The following NALF1 variants were observed in gnomAD, a reference collection of about 807,000 sequenced individuals.
NALF1 encodes the protein family with sequence similarity 155 member A.
Under a neutral mutation model 48.4 loss-of-function variants are expected in NALF1, and 3 were observed. The observed-to-expected ratio is 0.06, with a 90% confidence interval of 0.03 to 0.16. The LOEUF (loss-of-function observed/expected upper bound fraction) is 0.16. Among genes scored for constraint, NALF1 ranks in the 10% least tolerant of loss-of-function variants. The pLI, the probability that NALF1 is intolerant of heterozygous loss-of-function variation, is 1.00. For synonymous variants in NALF1, 262 were observed against 245.7 expected, an observed-to-expected ratio of 1.07 and a Z score of -0.62; for missense variants, 526 against 571.5, an observed-to-expected ratio of 0.92 and a Z score of 0.81.
At chr13:107,777,415 A>T (rs1178640566) in intron 1 of NALF1, among the ~76,000 whole-genome samples, 14 of 152,176 alleles carry the variant, frequency 9.2e-5, no homozygotes, top group Admixed American at 9.2e-4. Context: ...GTTGAATTGC[A>T]ATCTGCAATG....
At chr13:107,334,029 A>G (rs1882514038) in intron 1 of NALF1, among the ~76,000 whole-genome samples, 1 of 152,224 alleles carries the variant, frequency 6.6e-6, no homozygotes, top group South Asian at 2.1e-4. Context: ...TCATTCATGA[A>G]GTTATGTTTA....
At chr13:107,244,303 A>G (rs995884952) in intron 1 of NALF1, among the ~76,000 whole-genome samples, 1 of 152,230 alleles carries the variant, frequency 6.6e-6, no homozygotes, top group Non-Finnish European at 1.5e-5. Flanking sequence ...CAATTCAAAG[A>G]GGCACACCAT....
At chr13:107,404,583 G>T (rs1883867492) in intron 1 of NALF1, among the ~76,000 whole-genome samples, 1 of 151,988 alleles carries the variant, frequency 6.6e-6, no homozygotes, top group East Asian at 1.9e-4. Flanking sequence ...AAATTGTAGG[G>T]AACAAATTTG....
intron 1 of NALF1, among the ~76,000 whole-genome samples, chr13:107,245,639 G>C (rs2138839191): frequency 6.6e-6 from 1 of 152,230 alleles, no homozygotes; most frequent in East Asian, 1.9e-4. Context: ...TGCCATAAGA[G>C]GCTGAAAAAA....
At chr13:107,202,585 A>G (rs1017161328) in intron 2 of NALF1, among the ~76,000 whole-genome samples, 1 of 152,106 alleles carries the variant, frequency 6.6e-6, no homozygotes, top group Non-Finnish European at 1.5e-5. Context: ...CTAAGCAAAA[A>G]ATTTTCCTGA....
intron 1 of NALF1, among the ~76,000 whole-genome samples, chr13:107,575,868 A>G (rs1410085977): frequency 2.6e-5 from 4 of 152,018 alleles, no homozygotes; most frequent in African/African-American, 9.7e-5. Context: ...TGGGTATAAA[A>G]TGAAGTGCAA....
intron 1 of NALF1, among the ~76,000 whole-genome samples, chr13:107,452,683 A>T (rs979123170): frequency 2.0e-5 from 3 of 152,144 alleles, no homozygotes; most frequent in Non-Finnish European, 4.4e-5. Flanking sequence ...TTCAAAACCA[A>T]TCATGCCTTC....
intron 1 of NALF1, among the ~76,000 whole-genome samples, chr13:107,556,395 G>C (rs773078693): frequency 1.3e-5 from 2 of 151,280 alleles, no homozygotes; most frequent in Non-Finnish European, 2.9e-5. Context: ...ATTTGGATCA[G>C]AACTTTTTTC....
intron 1 of NALF1, among the ~76,000 whole-genome samples, chr13:107,721,467 C>A (rs1336740277): frequency 1.3e-5 from 2 of 152,204 alleles, no homozygotes; most frequent in East Asian, 3.9e-4. Flanking sequence ...TTGAATGGAG[C>A]AGGTAAAATT....
At chr13:107,818,871 CAAAAAAAAAAAA>C (rs774372636) in intron 1 of NALF1, among the ~76,000 whole-genome samples, 28 of 73,822 alleles carry the variant, frequency 3.8e-4, no homozygotes, top group Admixed American at 1.3e-3. Context: ...GACTCCGTCT[CAAAAAAAAAAAA>C]AAAAAAAAAA....
At chr13:107,225,175 A>C (rs972331741) in intron 1 of NALF1, among the ~76,000 whole-genome samples, 11 of 151,812 alleles carry the variant, frequency 7.2e-5, no homozygotes, top group Non-Finnish European at 1.5e-4. Context: ...CACCTGGCTA[A>C]TTTTTGTATT....
rs534844036 is a variant in NALF1, at chr13:107,204,778, C to T, written c.1087+5806G>A. The stretch of plus-strand genomic sequence containing the variant: ...GTTTCTTTTTTGCCTTAAACTTTGA[C>T]ATATTTATTAAAATATTTTGTATGA... On this transcript the variant is annotated intron_variant, in intron 2 of 2. Transcript: ENST00000375915. 3.0e-3 allele frequency among the ~76,000 whole-genome samples: 457 copies of T among 152,056 alleles called. 3 individuals carry two copies. Among genetic ancestry groups the T allele is most frequent in the Non-Finnish European group, 5.0e-3 (342 of 67,982 alleles).
At chr13:107,710,299 A>C (rs774633561) in intron 1 of NALF1, among the ~76,000 whole-genome samples, 13 of 152,180 alleles carry the variant, frequency 8.5e-5, no homozygotes, top group African/African-American at 1.7e-4. Flanking sequence ...CCATTAGATA[A>C]CAAGAAACCA....
intron 1 of NALF1, among the ~76,000 whole-genome samples, chr13:107,573,908 C>T (rs1295591584): frequency 6.6e-6 from 1 of 152,166 alleles, no homozygotes; most frequent in African/African-American, 2.4e-5. Flanking sequence ...GTCAATTAAA[C>T]CTCTTTCTTT....
intron 1 of NALF1, among the ~76,000 whole-genome samples, chr13:107,217,610 C>T (rs1879900705): frequency 6.6e-6 from 1 of 152,114 alleles, no homozygotes; most frequent in Non-Finnish European, 1.5e-5. Flanking sequence ...ACTACAAACT[C>T]TAAAGTGGAA....
rs1031250696 is a variant in NALF1 at position 107,796,706 on chromosome 13, C to T, written c.915+68976G>A. Among the ~76,000 whole-genome samples the T allele has an allele frequency of 4.6e-5, 7 of 152,214 alleles. No homozygotes were observed. In the East Asian group the frequency reaches 1.4e-3, roughly 29 times the overall value. On this transcript the variant is annotated intron_variant, in intron 1 of 2. Coordinates refer to ENST00000375915, the MANE Select transcript of NALF1 (RefSeq NM_001080396.3). Reference sequence around the variant, plus strand: ...TCACCAATCATAAAATACCTCCCTGCTATCTTCCCAACAGTCCCCATTCCA... The same window carrying T: ...TCACCAATCATAAAATACCTCCCTGTTATCTTCCCAACAGTCCCCATTCCA...
intron 1 of NALF1, among the ~76,000 whole-genome samples, chr13:107,336,359 G>A (rs1212801415): frequency 7.6e-6 from 1 of 131,352 alleles, no homozygotes; most frequent in Non-Finnish European, 1.6e-5. Flanking sequence ...TCTCGATGAT[G>A]ATGATGATGA....
chr13:107,466,582 GC>G (rs1486912275), intron 1 of NALF1: 1 of 146,108 alleles, frequency 6.8e-6, no homozygotes, highest in African/African-American at 2.4e-5. Flanking sequence ...GGCACTGCCT[GC>G]TTCCAGGTAG....
intron 1 of NALF1, among the ~76,000 whole-genome samples, chr13:107,720,209 A>T (rs1345065906): frequency 6.6e-6 from 1 of 152,146 alleles, no homozygotes; most frequent in East Asian, 1.9e-4. Context: ...TGCTCTATTC[A>T]ATTTTACAAT....
Sources: allele counts gnomAD v4.1 joint callset (sites outside exome capture counted in the v4.1 genomes callset), GRCh38; gene constraint gnomAD v4.1.1; transcripts MANE v1.5; gene names NCBI Gene and HGNC (gene_info 2026-07-23, HGNC 2026-07-21).